USP24: variants seen among roughly 807,000 people sequenced by gnomAD.
USP24 encodes ubiquitin carboxyl-terminal hydrolase 24.
Under a neutral mutation model 361.6 loss-of-function variants are expected in USP24, and 97 were observed. The observed-to-expected ratio is 0.27, with a 90% CI of 0.23 to 0.32. The LOEUF (loss-of-function observed/expected upper bound fraction) is 0.32, where lower values mean the gene tolerates loss of function less well. Ranked by LOEUF, USP24 falls within the 10% of genes least tolerant of loss-of-function variation. USP24 has a pLI of 1.00. For synonymous variants in USP24, 1,098 were observed against 1,124.6 expected, an observed-to-expected ratio of 0.98 and a Z score of 0.47; for missense variants, 2,353 against 3,165.6, an observed-to-expected ratio of 0.74 and a Z score of 6.16.
intron 54 of USP24, among the ~76,000 whole-genome samples, chr1:55,090,989 T>G (rs1321627629): frequency 6.6e-6 from 1 of 151,876 alleles, no homozygotes; most frequent in Non-Finnish European, 1.5e-5. Context: ...GAGGCTGAGG[T>G]AGAAGAATCG....
At chr1:55,087,547 T>C (rs1247934993) in intron 55 of USP24, among the ~76,000 whole-genome samples, 1 of 152,180 alleles carries the variant, frequency 6.6e-6, no homozygotes, top group Non-Finnish European at 1.5e-5. Context: ...ACTAGAAAAA[T>C]GGTTATCTCT....
chr1:55,082,552 C>T (rs780760464), intron 58 of USP24, among the ~76,000 whole-genome samples: 4 of 152,112 alleles, frequency 2.6e-5, no homozygotes, highest in South Asian at 2.1e-4. Context: ...CTCGGTAAGC[C>T]GAGGTGGGCA....
chr1:55,162,998 C>T lies in USP24; in HGVS notation c.928-734G>A, dbSNP rs568599868. On this transcript the variant is annotated intron_variant, in intron 7 of 67. Transcript: ENST00000294383. ...AGAAACAAATCCATTGGCACACGGG[C>T]CTTTGATATTATTAAGCCAGCAACT... 1.6e-4 allele frequency among the ~76,000 whole-genome samples: 24 copies of T among 152,010 alleles called. 1 individual carries two copies. The South Asian group carries it at 5.0e-3, about 32-fold the overall frequency.
intron 21 of USP24, among the ~76,000 whole-genome samples, chr1:55,143,903 A>G (rs1646958130): frequency 1.3e-5 from 2 of 152,170 alleles, no homozygotes; most frequent in Non-Finnish European, 2.9e-5. Flanking sequence ...TGTGAGAGAG[A>G]GCAGTGTCCT....
At position 55,159,646 on chromosome 1, in the gene USP24, C is replaced by T. The variant is rs368109512; in HGVS notation, c.1033G>A (p.Val345Ile). Residue 345 changes from valine to isoleucine, a missense_variant, in exon 9 of 68, where the codon GTA becomes ATA. By Grantham distance (29) the Val-to-Ile change is conservative (BLOSUM62 3). Around this residue, in one of 8 missense-constraint regions of USP24, gnomAD observed 386 missense variants for 560.5 expected, o/e 0.69. Transcript: ENST00000294383. ...AGGTCTTTCTCTTCTACACTCCGTA[C>T]ATCCTGGATTGTAGTAAGAATGACT... The part of the protein sequence containing the change: ...DPVILTTIQD[V>I]RSVEEKDLKD... The T allele has an allele frequency of 6.4e-7, 1 of 1,562,782 alleles. No homozygotes were observed. The highest frequency in any genetic ancestry group is 8.7e-7 in the Non-Finnish European group (1 of 1,151,538).
intron 50 of USP24, 30 bp downstream of exon 50, chr1:55,096,468 A>G (rs1251812423): frequency 1.3e-6 from 2 of 1,482,104 alleles, no homozygotes; most frequent in African/African-American, 2.9e-5. Context: ...TAAAAAAACT[A>G]ATGGAAAATA....
At chr1:55,145,235 C>T (rs1646997415) in intron 20 of USP24, among the ~76,000 whole-genome samples, 1 of 152,132 alleles carries the variant, frequency 6.6e-6, no homozygotes, top group Admixed American at 6.5e-5. Context: ...AACCGTAACA[C>T]CCAAAAAGTG....
At chr1:55,214,050 C>G (rs1644917236) in intron 1 of USP24, among the ~76,000 whole-genome samples, 1 of 152,026 alleles carries the variant, frequency 6.6e-6, no homozygotes, top group South Asian at 2.1e-4. Context: ...AGTCCCCATC[C>G]CTGCCTAGAC....
intron 1 of USP24, among the ~76,000 whole-genome samples, chr1:55,193,492 A>G (rs1474032306): frequency 6.6e-6 from 1 of 152,198 alleles, no homozygotes; most frequent in Non-Finnish European, 1.5e-5. Context: ...CATACAGATC[A>G]TCGATTCCAG....
At chr1:55,213,359 G>C (rs539448468) in intron 1 of USP24, among the ~76,000 whole-genome samples, 1 of 152,314 alleles carries the variant, frequency 6.6e-6, no homozygotes, top group East Asian at 1.9e-4. Flanking sequence ...GGGCAATCTA[G>C]CAACTGTGTC....
chr1:55,154,656 T>A lies in USP24; in HGVS notation c.1554+15A>T, dbSNP rs761323372. ...AAGAAAATTTAAAAGTAAGCAAGTC[T>A]GACTGAACACGTACCTTCTGAATGA... On this transcript the variant is annotated intron_variant, in intron 13 of 67. Coordinates refer to ENST00000294383, the MANE Select transcript of USP24 (RefSeq NM_015306.3). 23 of 1,607,632 alleles carry A rather than the reference T, an allele frequency of 1.4e-5. No individual in the cohort carries two copies. In the South Asian group the frequency reaches 2.6e-4, roughly 18 times the overall value.
intron 1 of USP24, among the ~76,000 whole-genome samples, chr1:55,205,207 T>A (rs1644675059): frequency 6.6e-6 from 1 of 152,112 alleles, no homozygotes; most frequent in African/African-American, 2.4e-5. Context: ...CAAAATATAG[T>A]CACCACAGAA....
chr1:55,124,253 GT>G (rs1462347838), intron 35 of USP24, among the ~76,000 whole-genome samples: 1 of 152,154 alleles, frequency 6.6e-6, no homozygotes, highest in Non-Finnish European at 1.5e-5. Flanking sequence ...CTTACTCTAT[GT>G]GTTTATAAAT....
chr1:55,202,374 A>G (rs1292154720), intron 1 of USP24, among the ~76,000 whole-genome samples: 1 of 151,916 alleles, frequency 6.6e-6, no homozygotes, highest in African/African-American at 2.4e-5. Flanking sequence ...TAGGTGGTAT[A>G]CTGTTTCAAG....
At chr1:55,192,539 T>C (rs1644316849) in intron 1 of USP24, among the ~76,000 whole-genome samples, 1 of 152,266 alleles carries the variant, frequency 6.6e-6, no homozygotes, top group South Asian at 2.1e-4. Flanking sequence ...ATTACTTGTG[T>C]ATTATAATAA....
chr1:55,131,448 C>T (rs1332533710), intron 31 of USP24, among the ~76,000 whole-genome samples: 3 of 152,116 alleles, frequency 2.0e-5, no homozygotes, highest in African/African-American at 2.4e-5. Context: ...AACGTGGTTT[C>T]CATGCTGAAT....
At chr1:55,071,595 C>G in intron 67 of USP24, 1 of 1,251,814 alleles carries the variant, frequency 8.0e-7, no homozygotes, top group Non-Finnish European at 1.1e-6. Context: ...ACAAACACCT[C>G]GAGGCCTTCC....
At chr1:55,193,527 C>T (rs1644342432) in intron 1 of USP24, among the ~76,000 whole-genome samples, 1 of 152,124 alleles carries the variant, frequency 6.6e-6, no homozygotes, top group African/African-American at 2.4e-5. Context: ...GTAGCTGTTC[C>T]AGTCCCAATT....
At chr1:55,108,019 A>T (rs1168063242) in intron 39 of USP24, among the ~76,000 whole-genome samples, 1 of 152,058 alleles carries the variant, frequency 6.6e-6, no homozygotes, top group Non-Finnish European at 1.5e-5. Context: ...GATGAGGGAG[A>T]CAAATTCCTG....
Sources: allele counts gnomAD v4.1 joint callset (sites outside exome capture counted in the v4.1 genomes callset), GRCh38; gene constraint gnomAD v4.1.1; regional missense constraint gnomAD v4.1.1; transcripts MANE v1.5; gene names NCBI Gene and HGNC (gene_info 2026-07-23, HGNC 2026-07-21).